Variants in TMC1 observed in about 807,000 individuals in gnomAD.
The protein encoded by TMC1 is transmembrane channel-like protein 1.
Under a neutral mutation model 105.8 loss-of-function variants are expected in TMC1, and 84 were observed. That is an observed-to-expected ratio of 0.79 (90% CI 0.67 to 0.95). TMC1 has a LOEUF of 0.95. TMC1 is among the 40% of genes least tolerant of loss of function. TMC1 has a pLI of 0.00. For missense variants in TMC1, 817 were observed against 914.1 expected (o/e 0.89, Z 1.37); for synonymous variants, 315 against 311.5 (o/e 1.01, Z -0.12).
chr9:72,779,530 A>G (rs1341775931), intron 13 of TMC1, among the ~76,000 whole-genome samples: 1 of 152,212 alleles, frequency 6.6e-6, no homozygotes, highest in African/African-American at 2.4e-5. Context: ...GTAAAACAAT[A>G]CAAGAGCTGA....
chr9:72,721,131 C>G (rs1827016913), intron 8 of TMC1, among the ~76,000 whole-genome samples: 1 of 152,184 alleles, frequency 6.6e-6, no homozygotes, highest in Non-Finnish European at 1.5e-5. Context: ...TATTTTTGAG[C>G]TGAAGGGAAT....
At chr9:72,690,196 A>T (rs1434435618) in intron 6 of TMC1, among the ~76,000 whole-genome samples, 1 of 152,100 alleles carries the variant, frequency 6.6e-6, no homozygotes, top group Non-Finnish European at 1.5e-5. Flanking sequence ...TTAAGTAGAA[A>T]ACAATTTAAC....
chr9:72,648,230 C>T (rs1007170901), intron 4 of TMC1, among the ~76,000 whole-genome samples: 1 of 152,128 alleles, frequency 6.6e-6, no homozygotes, highest in Non-Finnish European at 1.5e-5. Context: ...TCTTACCTTT[C>T]TAAGGGTGCA....
chr9:72,762,904 G>A (rs1040798270), intron 12 of TMC1, among the ~76,000 whole-genome samples: 24 of 152,250 alleles, frequency 1.6e-4, no homozygotes, highest in South Asian at 1.2e-3. Context: ...TGCATTTCAT[G>A]TTCTATTCTA....
At chr9:72,534,389 G>C (rs1012703262) in intron 1 of TMC1, among the ~76,000 whole-genome samples, 1 of 152,158 alleles carries the variant, frequency 6.6e-6, no homozygotes, top group Admixed American at 6.5e-5. Flanking sequence ...TACAGAAAAA[G>C]TGGTGGGGAG....
At chr9:72,654,573 C>A (rs969934578) in intron 5 of TMC1, among the ~76,000 whole-genome samples, 2 of 152,048 alleles carry the variant, frequency 1.3e-5, no homozygotes, top group African/African-American at 4.8e-5. Context: ...TAATGGTATA[C>A]CCCTTACATA....
At chr9:72,538,155 GAA>G (rs35243551) in intron 1 of TMC1, among the ~76,000 whole-genome samples, 1,460 of 124,402 alleles carry the variant, frequency 0.012, 18 homozygotes, top group African/African-American at 0.039. Flanking sequence ...GACCCTGTCT[GAA>G]AAAAAAAAAA....
chr9:72,736,235 T>C (rs1827295301), intron 8 of TMC1, among the ~76,000 whole-genome samples: 1 of 152,194 alleles, frequency 6.6e-6, no homozygotes, highest in Admixed American at 6.5e-5. Context: ...AAAACTTGTT[T>C]ATATTGTTCA....
intron 21 of TMC1, among the ~76,000 whole-genome samples, chr9:72,827,221 A>G (rs1471326382): frequency 6.6e-6 from 1 of 152,214 alleles, no homozygotes. Context: ...CCCCAGGATT[A>G]TAAGATTTGT....
At chr9:72,806,996 C>T (rs1477823147) in intron 18 of TMC1, among the ~76,000 whole-genome samples, 3 of 152,210 alleles carry the variant, frequency 2.0e-5, no homozygotes, top group African/African-American at 7.2e-5. Flanking sequence ...GTGAACGAGA[C>T]TCCGTCTGCA....
rs533020360 is a variant in TMC1 at position 72,800,549 on chromosome 9, G to A, written c.1567-4833G>A. Reference sequence around the variant, plus strand: ...GAATATTCATGTTTCAGATGCAGATGGTTCTGCGATAGTCCCACACATACT... The same window carrying A: ...GAATATTCATGTTTCAGATGCAGATAGTTCTGCGATAGTCCCACACATACT... On this transcript the variant is annotated intron_variant, in intron 17 of 23. Transcript: ENST00000297784. Among the ~76,000 whole-genome samples the A allele has an allele frequency of 4.2e-4, 64 of 152,178 alleles. 1 individual carries two copies. The highest frequency in any genetic ancestry group is 1.4e-3 in the African/African-American group (60 of 41,544).
intron 5 of TMC1, 60 bp from the exon 6 acceptor site, chr9:72,688,649 A>T: frequency 2.1e-6 from 3 of 1,444,394 alleles, no homozygotes; most frequent in South Asian, 2.3e-5. Context: ...AGTAAAAACC[A>T]CTTACTAACA....
At chr9:72,554,769 A>ATTC (rs1304578035) in intron 1 of TMC1, among the ~76,000 whole-genome samples, 1 of 152,186 alleles carries the variant, frequency 6.6e-6, no homozygotes, top group Non-Finnish European at 1.5e-5. Flanking sequence ...ACTTTCTAAC[A>ATTC]TTCCATATTC....
chr9:72,728,244 G>T (rs769542062), intron 8 of TMC1, among the ~76,000 whole-genome samples: 7 of 152,126 alleles, frequency 4.6e-5, no homozygotes, highest in Non-Finnish European at 1.0e-4. Flanking sequence ...AAAGGACTTT[G>T]AGTTTCTAGG....
intron 19 of TMC1, among the ~76,000 whole-genome samples, chr9:72,819,954 T>G (rs766484963): frequency 1.3e-5 from 2 of 152,252 alleles, no homozygotes; most frequent in Non-Finnish European, 2.9e-5. Context: ...GAAACTTATT[T>G]TGTTGAAATA....
intron 1 of TMC1, among the ~76,000 whole-genome samples, chr9:72,561,037 G>GGC (rs758194835): frequency 4.6e-5 from 7 of 151,974 alleles, no homozygotes; most frequent in Non-Finnish European, 1.0e-4. Flanking sequence ...GAAAAGGCCG[G>GGC]GCGCGGTGGC....
At chr9:72,590,900 C>T (rs1465193248) in intron 2 of TMC1, among the ~76,000 whole-genome samples, 1 of 152,132 alleles carries the variant, frequency 6.6e-6, no homozygotes, top group Non-Finnish European at 1.5e-5. Context: ...CCACTCTTAC[C>T]TACCCTTAGT....
At chr9:72,657,760 A>C (rs1241769064) in intron 5 of TMC1, among the ~76,000 whole-genome samples, 1 of 152,198 alleles carries the variant, frequency 6.6e-6, no homozygotes, top group Non-Finnish European at 1.5e-5. Context: ...TAAAGTCCAT[A>C]ACTTTACAAT....
chr9:72,791,898 A>G lies in TMC1; in HGVS notation c.1237A>G (p.Met413Val), dbSNP rs995717899. 5.0e-6 allele frequency: 8 copies of G among 1,612,528 alleles called. No homozygotes were observed. Among genetic ancestry groups the G allele is most frequent in the African/African-American group, 1.3e-5 (1 of 75,028 alleles). Reference protein sequence around the residue: ...WWEKNEMNMVMSLLGMFCPTL... With the variant: ...WWEKNEMNMVVSLLGMFCPTL... ...TGCCTCCTTGTAGATGAACATGGTTATGTCCCTCCTAGGGATGTTCTGTCC... is the reference window on the plus strand; with the variant it reads ...TGCCTCCTTGTAGATGAACATGGTTGTGTCCCTCCTAGGGATGTTCTGTCC... Residue 413 changes from methionine (M) to valine (V), a missense_variant, in exon 16 of 24, where the codon ATG becomes GTG. Coordinates refer to ENST00000297784, the MANE Select transcript of TMC1 (RefSeq NM_138691.3).
Sources: allele counts gnomAD v4.1 joint callset (sites outside exome capture counted in the v4.1 genomes callset), GRCh38; gene constraint gnomAD v4.1.1; transcripts MANE v1.5; gene names NCBI Gene and HGNC (gene_info 2026-07-23, HGNC 2026-07-21).